UTRN: variants seen among roughly 807,000 people sequenced by gnomAD.
UTRN encodes the protein utrophin.
A neutral mutation model predicts 463.9 loss-of-function variants in UTRN; 283 were observed. The observed-to-expected ratio is 0.61, with a 90% confidence interval of 0.55 to 0.67. The LOEUF is 0.67. Ranked by LOEUF, UTRN falls within the 30% of genes least tolerant of loss-of-function variation. The pLI, the probability that UTRN is intolerant of heterozygous loss-of-function variation, is 0.00. For synonymous variants in UTRN, 1,442 were observed against 1,431.5 expected, an observed-to-expected ratio of 1.01 and a Z score of -0.17; for missense variants, 3,922 against 4,084.3, an observed-to-expected ratio of 0.96 and a Z score of 1.08.
At chr6:144,305,160 G>A (rs1273811267) in intron 2 of UTRN, among the ~76,000 whole-genome samples, 2 of 152,002 alleles carry the variant, frequency 1.3e-5, no homozygotes, top group African/African-American at 4.8e-5. Context: ...GTAATGTTTT[G>A]ACGTATTTGA....
intron 3 of UTRN, among the ~76,000 whole-genome samples, chr6:144,407,000 C>T (rs1783481789): frequency 1.3e-5 from 2 of 151,866 alleles, no homozygotes; most frequent in African/African-American, 4.8e-5. Context: ...CTCTTCCTGG[C>T]CAGCTCCTAC....
intron 51 of UTRN, among the ~76,000 whole-genome samples, chr6:144,653,136 G>A (rs1002645071): frequency 6.6e-6 from 1 of 152,030 alleles, no homozygotes; most frequent in Admixed American, 6.5e-5. Context: ...CTTCCAGGTC[G>A]CCATTATTGC....
chr6:144,453,913 C>A, intron 19 of UTRN, 44 bp downstream of exon 19: 1 of 1,544,986 alleles, frequency 6.5e-7, no homozygotes, highest in Non-Finnish European at 8.9e-7. Flanking sequence ...CAGATGGTGG[C>A]ATCGAATAAT....
chr6:144,345,899 C>T (rs886500945), intron 2 of UTRN, among the ~76,000 whole-genome samples: 3 of 152,074 alleles, frequency 2.0e-5, no homozygotes, highest in Non-Finnish European at 4.4e-5. Flanking sequence ...AGGCTTTGGC[C>T]GGGGGCGGTG....
chr6:144,649,117 G>C (rs541997788), intron 51 of UTRN, among the ~76,000 whole-genome samples: 1 of 152,248 alleles, frequency 6.6e-6, no homozygotes, highest in Admixed American at 6.5e-5. Context: ...GCAGGGCTTT[G>C]AGTAGAAGGT....
chr6:144,784,365 G>A (rs1200052581), intron 61 of UTRN, among the ~76,000 whole-genome samples: 1 of 152,124 alleles, frequency 6.6e-6, no homozygotes, highest in East Asian at 1.9e-4. Flanking sequence ...GCTGGGTTGA[G>A]TCTTTATGGA....
chr6:144,403,671 C>T (rs552672892), intron 3 of UTRN, among the ~76,000 whole-genome samples: 88 of 152,032 alleles, frequency 5.8e-4, no homozygotes, highest in Non-Finnish European at 9.3e-4. Context: ...TTCCTTAATT[C>T]CTCCCCCACC....
At chr6:144,569,953 CT>C (rs1376276320) in intron 50 of UTRN, among the ~76,000 whole-genome samples, 1 of 152,196 alleles carries the variant, frequency 6.6e-6, no homozygotes, top group Non-Finnish European at 1.5e-5. Flanking sequence ...AGATTCACCC[CT>C]AGACCCTCCA....
chr6:144,638,985 G>A lies in UTRN; in HGVS notation c.7480-39421G>A, dbSNP rs145552460. On this transcript the variant is annotated intron_variant, in intron 51 of 74. Coordinates refer to ENST00000367545, the MANE Select transcript of UTRN (RefSeq NM_007124.3). ...AGCTACCTGGGTGGCTGAGGTGGGA[G>A]GATTGCCCAGGACTTCAAGGCTGCA... is the stretch of plus-strand genomic sequence containing the variant. 2.8e-4 allele frequency among the ~76,000 whole-genome samples: 43 copies of A among 152,154 alleles called. No homozygotes were observed. The East Asian group carries it at 7.7e-3, about 27-fold the overall frequency.
intron 65 of UTRN, among the ~76,000 whole-genome samples, chr6:144,804,515 A>G (rs961786136): frequency 1.3e-5 from 2 of 152,202 alleles, no homozygotes; most frequent in African/African-American, 2.4e-5. Context: ...ATGCACATGT[A>G]TTTCTGTTTG....
At chr6:144,539,017 G>A (rs541888417) in intron 44 of UTRN, among the ~76,000 whole-genome samples, 1 of 152,248 alleles carries the variant, frequency 6.6e-6, no homozygotes, top group East Asian at 1.9e-4. Context: ...TGTTAAATTA[G>A]CAGTGTAAAA....
chr6:144,588,946 G>T (rs1802739678), intron 51 of UTRN, among the ~76,000 whole-genome samples: 1 of 152,150 alleles, frequency 6.6e-6, no homozygotes, highest in Admixed American at 6.5e-5. Context: ...ATTGAAATTG[G>T]AAAGGATGTG....
chr6:144,593,537 A>G (rs1803334485), intron 51 of UTRN, among the ~76,000 whole-genome samples: 1 of 152,150 alleles, frequency 6.6e-6, no homozygotes, highest in East Asian at 1.9e-4. Flanking sequence ...GCTAGGGTAG[A>G]GGGATTTTGT....
chr6:144,511,937 G>A (rs940651423), intron 35 of UTRN, among the ~76,000 whole-genome samples: 2 of 151,926 alleles, frequency 1.3e-5, no homozygotes, highest in African/African-American at 4.8e-5. Flanking sequence ...CAAATTTATA[G>A]AATTACTAGG....
intron 69 of UTRN, among the ~76,000 whole-genome samples, chr6:144,834,696 C>G (rs1586765696): frequency 1.3e-5 from 2 of 152,334 alleles, no homozygotes; most frequent in South Asian, 4.1e-4. Context: ...GGACTGCCAG[C>G]ACCACACACC....
intron 73 of UTRN, 99 bp downstream of exon 73, chr6:144,840,931 C>A: frequency 1.6e-6 from 2 of 1,276,404 alleles, no homozygotes; most frequent in Non-Finnish European, 2.2e-6. Context: ...ATAACAAAAA[C>A]CTTATTACAA....
At chr6:144,293,265 G>A (rs1197808415) in intron 2 of UTRN, among the ~76,000 whole-genome samples, 1 of 152,088 alleles carries the variant, frequency 6.6e-6, no homozygotes, top group African/African-American at 2.4e-5. Context: ...TTGTGAGGAG[G>A]TATATTCCTA....
At chr6:144,553,333 C>A (rs1452545673) in intron 48 of UTRN, among the ~76,000 whole-genome samples, 2 of 152,176 alleles carry the variant, frequency 1.3e-5, no homozygotes, top group South Asian at 2.1e-4. Flanking sequence ...CCACTGCACC[C>A]AGCCAGTTGA....
At chr6:144,335,730 C>T (rs78799963) in intron 2 of UTRN, among the ~76,000 whole-genome samples, 9,940 of 152,252 alleles carry the variant, frequency 0.065, 1,097 homozygotes, top group African/African-American at 0.22. Context: ...TAAATAAACT[C>T]TCAAGTGATA....
Sources: allele counts gnomAD v4.1 joint callset (sites outside exome capture counted in the v4.1 genomes callset), GRCh38; gene constraint gnomAD v4.1.1; transcripts MANE v1.5; gene names NCBI Gene and HGNC (gene_info 2026-07-23, HGNC 2026-07-21).